The following PRKCQ variants were observed in gnomAD, a reference collection of about 807,000 sequenced individuals.
PRKCQ encodes the protein protein kinase C theta type.
PRKCQ carries 41 observed loss-of-function variants against 91.2 expected under a neutral mutation model. The ratio of observed to expected loss-of-function variants is 0.45; its 90% CI spans 0.35 to 0.58. The LOEUF is 0.58. Among genes scored for constraint, PRKCQ ranks in the 20% least tolerant of loss-of-function variants. The pLI, the probability that PRKCQ is intolerant of heterozygous loss-of-function variation, is 0.00. For synonymous variants in PRKCQ, 307 were observed against 316.9 expected, an observed-to-expected ratio of 0.97 and a Z score of 0.33; for missense variants, 673 against 896.5, an observed-to-expected ratio of 0.75 and a Z score of 3.18.
chr10:6,481,192 T>C (rs1413000874), intron 11 of PRKCQ, among the ~76,000 whole-genome samples: 1 of 152,222 alleles, frequency 6.6e-6, no homozygotes, highest in African/African-American at 2.4e-5. Context: ...CAGCTGCACC[T>C]TGGGATACCG....
In PRKCQ at chr10:6,427,646, CAA is replaced by C; in HGVS notation, c.*559_*560del. On this transcript the variant is annotated 3_prime_UTR_variant, in exon 18 of 18. Transcript: ENST00000263125. ...GAATGGATTTGTAGATCTCAAGTTA[CAA>C]GCTATGTTTATTGTAAAGAATTCCC... is the stretch of plus-strand genomic sequence containing the variant. 2 of 152,962 alleles carry C rather than the reference CAA, an allele frequency of 1.3e-5. No homozygotes were observed. The highest frequency in any genetic ancestry group is 6.5e-5 in the Admixed American group (1 of 15,400). The allele number at this position is 152,962 out of a possible 1,614,324, so 9.5% of individuals were successfully genotyped here. A position where few individuals can be genotyped will look rare whatever the true frequency, so the allele number is the denominator to read the frequency against.
At chr10:6,515,500 C>T (rs1838715407) in intron 1 of PRKCQ, 1 of 985,106 alleles carries the variant, frequency 1.0e-6, no homozygotes, top group South Asian at 4.7e-5. Flanking sequence ...AAGTAGGTGC[C>T]CAGGAAACAG....
At chr10:6,577,846 G>T (rs12263457) in intron 1 of PRKCQ, among the ~76,000 whole-genome samples, 3,927 of 152,192 alleles carry the variant, frequency 0.026, 157 homozygotes, top group African/African-American at 0.081. Context: ...TAAATAACAC[G>T]TTATAAGGAG....
the PRKCQ span, among the ~76,000 whole-genome samples, chr10:6,395,075 T>TTTTTTTC: frequency 1.5e-3 from 199 of 135,752 alleles, no homozygotes; most frequent in African/African-American, 5.1e-3. Flanking sequence ...TTTTTTTTTT[T>TTTTTTTC]TTTTTGAGAC....
At chr10:6,537,180 C>CT (rs999408425) in intron 1 of PRKCQ, among the ~76,000 whole-genome samples, 8 of 151,962 alleles carry the variant, frequency 5.3e-5, no homozygotes, top group African/African-American at 1.7e-4. Context: ...GTTGGTGATT[C>CT]TTTTTTTTAT....
At position 6,562,039 on chromosome 10, in the gene PRKCQ, A is replaced by T. The variant is rs369936642; in HGVS notation, c.-10+18172T>A. Reference sequence around the variant, plus strand: ...ATAGTTTAAAATTTACAACATTGTCAGTTCAAAATAATGCTGGTAGGAAGG... The same window carrying T: ...ATAGTTTAAAATTTACAACATTGTCTGTTCAAAATAATGCTGGTAGGAAGG... On this transcript the variant is annotated intron_variant, in intron 1 of 17. Coordinates refer to ENST00000263125, the MANE Select transcript of PRKCQ (RefSeq NM_006257.5). 1.5e-3 allele frequency among the ~76,000 whole-genome samples: 223 copies of T among 152,306 alleles called. 1 individual carries two copies. The highest frequency in any genetic ancestry group is 5.2e-3 in the African/African-American group (215 of 41,554).
Position 6,515,153 on chromosome 10 carries a change from A to C in PRKCQ, c.-9-9T>G. The C allele has an allele frequency of 1.2e-6, 2 of 1,611,742 alleles. No homozygotes were observed. Among genetic ancestry groups the C allele is most frequent in the Non-Finnish European group, 1.7e-6 (2 of 1,179,492 alleles). The stretch of plus-strand genomic sequence containing the variant: ...GGCGACATGGTTGCGCCCTGGAAAA[A>C]GACAAAAGACAAACGCTGTTTGGGG... On this transcript the variant is annotated splice_polypyrimidine_tract_variant and intron_variant, in intron 1 of 17. Transcript: ENST00000263125.
At chr10:6,438,609 C>G (rs186254121) in intron 16 of PRKCQ, among the ~76,000 whole-genome samples, 2 of 149,990 alleles carry the variant, frequency 1.3e-5, no homozygotes, top group Non-Finnish European at 3.0e-5. Flanking sequence ...TTTTTTTTTG[C>G]GGGGGGGACA....
chr10:6,526,762 C>T (rs112522750), intron 1 of PRKCQ, among the ~76,000 whole-genome samples: 54 of 152,238 alleles, frequency 3.5e-4, no homozygotes, highest in Non-Finnish European at 5.1e-4. Flanking sequence ...GGTAGGACAC[C>T]GCCCGAGGGG....
chr10:6,436,837 C>T (rs1225796377), intron 16 of PRKCQ, among the ~76,000 whole-genome samples: 2 of 152,158 alleles, frequency 1.3e-5, no homozygotes, highest in Non-Finnish European at 2.9e-5. Context: ...TCTTTCTCTC[C>T]TTGGAAATCA....
intron 14 of PRKCQ, among the ~76,000 whole-genome samples, chr10:6,458,246 T>C (rs544103357): frequency 3.5e-4 from 53 of 152,220 alleles, no homozygotes; most frequent in Non-Finnish European, 6.6e-4. Flanking sequence ...CTCTGAGGGA[T>C]CTAGGTCAAT....
intron 8 of PRKCQ, among the ~76,000 whole-genome samples, chr10:6,487,570 T>C (rs572818982): frequency 1.3e-4 from 20 of 152,310 alleles, no homozygotes; most frequent in African/African-American, 4.3e-4. Context: ...TTCATGAATC[T>C]TGAAAACAGT....
At chr10:6,554,263 G>A (rs1021495943) in intron 1 of PRKCQ, among the ~76,000 whole-genome samples, 1 of 152,192 alleles carries the variant, frequency 6.6e-6, no homozygotes, top group Non-Finnish European at 1.5e-5. Flanking sequence ...CAACGTTGCA[G>A]AAGGAACTGC....
chr10:6,419,233 CTATT>C, the PRKCQ span, among the ~76,000 whole-genome samples: 41,768 of 151,914 alleles, frequency 0.27, 6,797 homozygotes, highest in African/African-American at 0.46. Flanking sequence ...ATCATCAAAT[CTATT>C]TATGTGTGTG....
chr10:6,404,247 A>AGGGGG, the PRKCQ span, among the ~76,000 whole-genome samples: 10 of 57,062 alleles, frequency 1.8e-4, no homozygotes, highest in African/African-American at 3.2e-4. Flanking sequence ...AAGGGAGAGA[A>AGGGGG]GGGGGGGGGA....
rs548656577 is a variant in PRKCQ, at chr10:6,463,151, G to T, written c.1446-786C>A. 1.1e-4 allele frequency among the ~76,000 whole-genome samples: 17 copies of T among 152,300 alleles called. No individual in the cohort carries two copies. The South Asian group carries it at 3.5e-3, about 32-fold the overall frequency. ...TTCGTACTGAGAACCTTTAGCCTGG[G>T]CAACACTTACAGCCCATGAGGTGGA... On this transcript the variant is annotated intron_variant, in intron 13 of 17. Coordinates refer to ENST00000263125, the MANE Select transcript of PRKCQ (RefSeq NM_006257.5).
At chr10:6,551,389 T>A (rs199942559) in intron 1 of PRKCQ, among the ~76,000 whole-genome samples, 1 of 150,328 alleles carries the variant, frequency 6.7e-6, no homozygotes, top group Admixed American at 6.6e-5. Flanking sequence ...CACATTTTCT[T>A]TTTTTTTTCT....
rs1034349946 is a variant in PRKCQ, at chr10:6,465,979, C to T, written c.1354-1575G>A. ...CTTTGCCTGCACACACCTGCTTTCT[C>T]ATGCTACCTCTTGCTCTCATCAGCA... On this transcript the variant is annotated intron_variant, in intron 12 of 17. Transcript: ENST00000263125. The surrounding 1 kb of genome is among the most constrained non-coding windows in gnomAD (Gnocchi z 4.4). 1.3e-5 allele frequency among the ~76,000 whole-genome samples: 2 copies of T among 152,228 alleles called. No homozygotes were observed. Among genetic ancestry groups the T allele is most frequent in the African/African-American group, 2.4e-5 (1 of 41,458 alleles).
chr10:6,395,804 A>G, the PRKCQ span, among the ~76,000 whole-genome samples: 1 of 152,130 alleles, frequency 6.6e-6, no homozygotes, highest in Non-Finnish European at 1.5e-5. Context: ...TTATTTTGCA[A>G]TGGCGGTTTC....
Sources: gnomAD v4.1 joint callset for allele counts (sites outside exome capture counted in the v4.1 genomes callset) on GRCh38, gnomAD v4.1.1 for gene constraint, Gnocchi (gnomAD v3.1) non-coding constraint, MANE v1.5 for transcripts, NCBI Gene and HGNC (gene_info 2026-07-23, HGNC 2026-07-21) for gene names.